LRRC25: variants seen among roughly 807,000 people sequenced by gnomAD.
LRRC25 encodes the protein leucine-rich repeat-containing protein 25.
LRRC25 carries 5 observed loss-of-function variants against 18.8 expected under a neutral mutation model. The observed-to-expected ratio is 0.27, with a 90% CI of 0.14 to 0.56. The LOEUF is 0.56. Among genes scored for constraint, LRRC25 ranks in the 20% least tolerant of loss-of-function variants. LRRC25 has a pLI of 0.93. For synonymous variants in LRRC25, 161 were observed against 176.8 expected, an observed-to-expected ratio of 0.91 and a Z score of 0.71; for missense variants, 341 against 389.8, an observed-to-expected ratio of 0.87 and a Z score of 1.05.
Position 18,396,864 on chromosome 19 carries a change from A to C in LRRC25, c.100T>G (p.Trp34Gly). 3 of 1,613,864 alleles carry C rather than the reference A, an allele frequency of 1.9e-6. No individual in the cohort carries two copies. The highest frequency in any genetic ancestry group is 2.5e-6 in the Non-Finnish European group (3 of 1,180,038). ...CACGTGGCACTGAACTCCGCGTTCC[A>C]GTCCACATCCGCGGAGGACACGGTG... The part of the protein sequence containing the change: ...SCTVSSADVD[W>G]NAEFSATCLN... The change falls in exon 1 of 2, where the codon TGG becomes GGG. Residue 34 changes from tryptophan (W) to glycine (G), a missense_variant. By Grantham distance (184) the Trp-to-Gly change is radical. Coordinates refer to ENST00000339007, the MANE Select transcript of LRRC25 (RefSeq NM_145256.3).
rs3848646 is a variant in LRRC25, at chr19:18,391,176, T to A, written c.*811A>T. ...ATATATACATTTTTTTATTTTGGGGTTGGTGTGGGCTGCTCTGGAGGCCAA... is the reference window on the plus strand; with the variant it reads ...ATATATACATTTTTTTATTTTGGGGATGGTGTGGGCTGCTCTGGAGGCCAA... On this transcript the variant is annotated 3_prime_UTR_variant, in exon 2 of 2. Coordinates refer to ENST00000339007, the MANE Select transcript of LRRC25 (RefSeq NM_145256.3). 1 of 152,018 alleles carries A rather than the reference T, an allele frequency of 6.6e-6. No homozygotes were observed. The highest frequency in any genetic ancestry group is 1.5e-5 in the Non-Finnish European group (1 of 68,034). The allele number at this position is 152,018 out of a possible 1,614,324, so 9.4% of individuals were successfully genotyped here.
chr19:18,396,774 T>C lies in LRRC25; in HGVS notation c.190A>G (p.Ile64Val), dbSNP rs777887786. The C allele has an allele frequency of 1.1e-5, 18 of 1,613,904 alleles. No homozygotes were observed. In the African/African-American group the frequency reaches 2.3e-4, roughly 20 times the overall value. Residue 64 changes from isoleucine to valine, a missense_variant, in exon 1 of 2, where the codon ATT becomes GTT. Ile to Val is a conservative substitution (Grantham distance 29). Coordinates refer to ENST00000339007, the MANE Select transcript of LRRC25 (RefSeq NM_145256.3). ...HNQSLRASNV[I>V]LLDLSGNGLR... The stretch of plus-strand genomic sequence containing the variant: ...CCGTTCCCAGACAGGTCAAGGAGAA[T>C]CACGTTGCTGGCCCGCAGAGACTGG...
rs567064283 is a variant in LRRC25, at chr19:18,392,023, T to G, written c.882A>C (p.Pro294=). 4 of 1,614,050 alleles carry G rather than the reference T, an allele frequency of 2.5e-6. No individual in the cohort carries two copies. The African/African-American group carries it at 5.3e-5, about 22-fold the overall frequency. ...YCNLQSLGQA[P]MDEEEYVIPG... ...GGATCACGTACTCCTCTTCATCCAT[T>G]GGGGCCTGGCCCAGTGACTGCAGGT... The change falls in exon 2 of 2, where the codon CCA becomes CCC. Residue 294 remains proline (P), a synonymous_variant. Coordinates refer to ENST00000339007, the MANE Select transcript of LRRC25 (RefSeq NM_145256.3).
Position 18,397,254 on chromosome 19 carries a change from T to G in LRRC25, c.-291A>C, listed in dbSNP as rs951292060. ...GTCCTGAACATTTGGGGCGCCCTCGTTGGCCAGGACGGGACCCTATGCAAA... is the reference window on the plus strand; with the variant it reads ...GTCCTGAACATTTGGGGCGCCCTCGGTGGCCAGGACGGGACCCTATGCAAA... On this transcript the variant is annotated 5_prime_UTR_variant, in exon 1 of 2. Transcript: ENST00000339007. The G allele has an allele frequency of 3.1e-5, 14 of 448,554 alleles. No individual in the cohort carries two copies. The highest frequency in any genetic ancestry group is 4.8e-5 in the Non-Finnish European group (12 of 247,524). The allele number at this position is 448,554 out of a possible 1,614,324, so 27.8% of individuals were successfully genotyped here.
intron 1 of LRRC25, among the ~76,000 whole-genome samples, chr19:18,393,667 A>G (rs1971929046): frequency 6.6e-6 from 1 of 151,650 alleles, no homozygotes; most frequent in Non-Finnish European, 1.5e-5. Context: ...AGTCAATTAT[A>G]CTCTAGTACG....
intron 1 of LRRC25, among the ~76,000 whole-genome samples, chr19:18,395,180 G>C (rs928884464): frequency 3.3e-5 from 5 of 152,020 alleles, no homozygotes; most frequent in African/African-American, 1.2e-4. Context: ...GACCATCCTG[G>C]CTAACACGGT....
intron 1 of LRRC25, among the ~76,000 whole-genome samples, chr19:18,392,396 G>T (rs1248530657): frequency 6.6e-6 from 1 of 152,142 alleles, no homozygotes; most frequent in East Asian, 1.9e-4. Context: ...GGAGTCTGAG[G>T]CAGGAGAATC....
intron 1 of LRRC25, 32 bp from the exon 2 acceptor site, chr19:18,392,157 G>A (rs761144210): frequency 1.2e-6 from 2 of 1,606,860 alleles, no homozygotes; most frequent in East Asian, 2.2e-5. Context: ...GGGTAAGTGT[G>A]GGAGGGGGAG....
chr19:18,392,989 CA>C lies in LRRC25; in HGVS notation c.780-865del, dbSNP rs200111780. Among the ~76,000 whole-genome samples, 105 of 151,506 alleles carry C rather than the reference CA, an allele frequency of 6.9e-4. 2 individuals are homozygous for C. In the East Asian group the frequency reaches 0.02, roughly 28 times the overall value. Reference sequence around the variant, plus strand: ...TGGATGACAGAGGGAGACCCCGTCTCAAAAAAAACAGAAATTGAGGTAGCTG... The same window carrying C: ...TGGATGACAGAGGGAGACCCCGTCTCAAAAAAACAGAAATTGAGGTAGCTG... On this transcript the variant is annotated intron_variant, in intron 1 of 1. Transcript: ENST00000339007.
chr19:18,396,497 C>T lies in LRRC25; in HGVS notation c.467G>A (p.Ser156Asn). 1 of 1,613,568 alleles carries T rather than the reference C, an allele frequency of 6.2e-7. No homozygotes were observed. Among genetic ancestry groups the T allele is most frequent in the East Asian group, 2.2e-5 (1 of 44,886 alleles). The change falls in exon 1 of 2, where the codon AGC (serine) becomes AAC (asparagine). Residue 156 changes from serine to asparagine, a missense_variant. Transcript: ENST00000339007. Reference protein sequence around the residue: ...QHNLSAFLEVSCAPGLASATI... With the variant: ...QHNLSAFLEVNCAPGLASATI... ...TGCAGAGGCCAGGCCAGGGGCGCAG[C>T]TGACCTCCAGGAAGGCAGAGAGGTT... is the stretch of plus-strand genomic sequence containing the variant.
chr19:18,396,122 G>T, intron 1 of LRRC25, 63 bp downstream of exon 1: 2 of 1,523,992 alleles, frequency 1.3e-6, no homozygotes, highest in Middle Eastern at 1.9e-4. Flanking sequence ...TTTGAACCTC[G>T]GCCATCTGGG....
chr19:18,397,244 GGC>G lies in LRRC25; in HGVS notation c.-283_-282del, dbSNP rs1441360195. On this transcript the variant is annotated 5_prime_UTR_variant, in exon 1 of 2. Coordinates refer to ENST00000339007, the MANE Select transcript of LRRC25 (RefSeq NM_145256.3). ...CTTCTTCTATGTCCTGAACATTTGG[GGC>G]GCCCTCGTTGGCCAGGACGGGACCC... 5 of 467,192 alleles carry G rather than the reference GGC, an allele frequency of 1.1e-5. No individual in the cohort carries two copies. The highest frequency in any genetic ancestry group is 1.9e-5 in the Non-Finnish European group (5 of 259,286). The allele number at this position is 467,192 out of a possible 1,614,324, so 28.9% of individuals were successfully genotyped here.
rs537543776 is a variant in LRRC25, at chr19:18,397,318, C to G, written c.-355G>C. The G allele has an allele frequency of 1.2e-3, 330 of 282,378 alleles. 2 individuals are homozygous for G. The highest frequency in any genetic ancestry group is 4.8e-3 in the African/African-American group (225 of 47,004). 17.5% of individuals were successfully genotyped at this position (282,378 alleles called of 1,614,324 possible). A position where few individuals can be genotyped will look rare whatever the true frequency, so the allele number is the denominator to read the frequency against. ...TGGAAACGGCCCCGCCCCCTGATCA[C>G]GCTCCCGGTATCTCCCAGAACGGCG... On this transcript the variant is annotated 5_prime_UTR_variant, in exon 1 of 2. Coordinates refer to ENST00000339007, the MANE Select transcript of LRRC25 (RefSeq NM_145256.3).
In LRRC25 at chr19:18,397,067, C is replaced by A; in HGVS notation, c.-104G>T. The A allele has an allele frequency of 8.1e-7, 1 of 1,235,090 alleles. No homozygotes were observed. Among genetic ancestry groups the A allele is most frequent in the South Asian group, 1.5e-5 (1 of 66,500 alleles). 76.5% of individuals were successfully genotyped at this position (1,235,090 alleles called of 1,614,324 possible). On this transcript the variant is annotated 5_prime_UTR_variant, in exon 1 of 2. Coordinates refer to ENST00000339007, the MANE Select transcript of LRRC25 (RefSeq NM_145256.3). ...TTTATTATTATAGCTCAGACCAGCT[C>A]AAGCCGCTTCTGAAATGGTAAAACG...
Position 18,394,806 on chromosome 19 carries a change from G to A in LRRC25, c.779+1379C>T, listed in dbSNP as rs536235267. 5.9e-5 allele frequency among the ~76,000 whole-genome samples: 9 copies of A among 152,272 alleles called. No individual in the cohort carries two copies. The East Asian group carries it at 1.4e-3, about 23-fold the overall frequency. On this transcript the variant is annotated intron_variant, in intron 1 of 1. Coordinates refer to ENST00000339007, the MANE Select transcript of LRRC25 (RefSeq NM_145256.3). Reference sequence around the variant, plus strand: ...GCAAAATCATCCAGAAGCCGGTGGCGGTGGCTCACACCCATAATGCCAGCA... The same window carrying A: ...GCAAAATCATCCAGAAGCCGGTGGCAGTGGCTCACACCCATAATGCCAGCA...
chr19:18,397,241 T>A lies in LRRC25; in HGVS notation c.-278A>T. The A allele has an allele frequency of 2.1e-6, 1 of 472,766 alleles. No homozygotes were observed. Among genetic ancestry groups the A allele is most frequent in the Non-Finnish European group, 3.8e-6 (1 of 262,458 alleles). 29.3% of individuals were successfully genotyped at this position (472,766 alleles called of 1,614,324 possible). A position where few individuals can be genotyped will look rare whatever the true frequency, so the allele number is the denominator to read the frequency against. On this transcript the variant is annotated 5_prime_UTR_variant, in exon 1 of 2. Coordinates refer to ENST00000339007, the MANE Select transcript of LRRC25 (RefSeq NM_145256.3). ...CCCCTTCTTCTATGTCCTGAACATT[T>A]GGGGCGCCCTCGTTGGCCAGGACGG... is the stretch of plus-strand genomic sequence containing the variant.
intron 1 of LRRC25, 65 bp downstream of exon 1, chr19:18,396,120 T>G (rs974045298): frequency 1.6e-5 from 24 of 1,525,472 alleles, no homozygotes; most frequent in Non-Finnish European, 2.0e-5. Context: ...GATTTGAACC[T>G]CGGCCATCTG....
chr19:18,392,132 G>T lies in LRRC25; in HGVS notation c.780-7C>A, dbSNP rs745764561. On this transcript the variant is annotated splice_region_variant and splice_polypyrimidine_tract_variant and intron_variant, in intron 1 of 1. Transcript: ENST00000339007. The stretch of plus-strand genomic sequence containing the variant: ...GTCCTCTGAAGGGTGAGCCCTGGGG[G>T]GACAGACAGACCAGGGGTAAGTGTG... 1.9e-6 allele frequency: 3 copies of T among 1,613,100 alleles called. No individual in the cohort carries two copies. Among genetic ancestry groups the T allele is most frequent in the Non-Finnish European group, 2.5e-6 (3 of 1,179,286 alleles).
chr19:18,396,174 G>A lies in LRRC25; in HGVS notation c.779+11C>T. 1 of 1,576,310 alleles carries A rather than the reference G, an allele frequency of 6.3e-7. No homozygotes were observed. The highest frequency in any genetic ancestry group is 8.7e-7 in the Non-Finnish European group (1 of 1,155,624). ...TCACCACTTTGGCAGGTGTCTCAGT[G>A]GCTTACTTACCCTTGTTCATCCCAC... On this transcript the variant is annotated intron_variant, in intron 1 of 1. Transcript: ENST00000339007.
Sources: gnomAD v4.1 joint callset for allele counts (sites outside exome capture counted in the v4.1 genomes callset) on GRCh38, gnomAD v4.1.1 for gene constraint, MANE v1.5 for transcripts, NCBI Gene and HGNC (gene_info 2026-07-23, HGNC 2026-07-21) for gene names.